The following C1QTNF3 variants were observed in gnomAD, a reference collection of about 807,000 sequenced individuals.
C1QTNF3 encodes complement C1q tumor necrosis factor-related protein 3.
In C1QTNF3, 26 loss-of-function variants were observed where a neutral mutation model predicts 32.6. The ratio of observed to expected loss-of-function variants is 0.80; its 90% CI spans 0.58 to 1.11. C1QTNF3 has a LOEUF of 1.11. Among genes scored for constraint, C1QTNF3 ranks in the 50% least tolerant of loss-of-function variants. The pLI is 0.00. For synonymous variants in C1QTNF3, 155 were observed against 146.0 expected (o/e 1.06, Z -0.44); for missense variants, 362 against 398.2 (o/e 0.91, Z 0.77).
At chr5:34,065,224 G>C in the C1QTNF3 span, among the ~76,000 whole-genome samples, 1 of 152,106 alleles carries the variant, frequency 6.6e-6, no homozygotes, top group South Asian at 2.1e-4. Flanking sequence ...ATTTAAAAAT[G>C]GACAAAGGAC....
At chr5:34,233,020 G>C in the C1QTNF3 span, among the ~76,000 whole-genome samples, 1 of 149,378 alleles carries the variant, frequency 6.7e-6, no homozygotes, top group African/African-American at 2.5e-5. Context: ...AGCCCAAATA[G>C]TATTCAGTAA....
chr5:34,076,702 C>G, the C1QTNF3 span, among the ~76,000 whole-genome samples: 1 of 151,668 alleles, frequency 6.6e-6, no homozygotes, highest in South Asian at 2.1e-4. Flanking sequence ...ATCAGCTACT[C>G]TGACATTTGT....
chr5:34,157,463 A>G, the C1QTNF3 span, among the ~76,000 whole-genome samples: 1 of 152,188 alleles, frequency 6.6e-6, no homozygotes, highest in Non-Finnish European at 1.5e-5. Flanking sequence ...AGATGTTTGC[A>G]TTGTTGTCCC....
At chr5:34,103,335 C>T in the C1QTNF3 span, among the ~76,000 whole-genome samples, 3 of 151,578 alleles carry the variant, frequency 2.0e-5, no homozygotes, top group Non-Finnish European at 2.9e-5. Flanking sequence ...CTTGCTCTGT[C>T]TCCCAGGCTG....
chr5:34,236,768 G>A, the C1QTNF3 span, among the ~76,000 whole-genome samples: 3 of 151,324 alleles, frequency 2.0e-5, no homozygotes, highest in Non-Finnish European at 4.4e-5. Context: ...TACACATGGG[G>A]TTTCACCGTG....
At chr5:34,073,283 C>T in the C1QTNF3 span, among the ~76,000 whole-genome samples, 2 of 150,668 alleles carry the variant, frequency 1.3e-5, no homozygotes, top group Non-Finnish European at 2.9e-5. Context: ...GCCGAGATCG[C>T]GCCACTGCAC....
chr5:34,040,665 T>A (rs1303518964), intron 1 of C1QTNF3, among the ~76,000 whole-genome samples: 1 of 152,026 alleles, frequency 6.6e-6, no homozygotes, highest in East Asian at 1.9e-4. Context: ...CAAAGCAAAA[T>A]CTAAGCTCCT....
the C1QTNF3 span, chr5:34,165,184 T>C: frequency 6.6e-6 from 1 of 152,128 alleles, no homozygotes; most frequent in Admixed American, 6.5e-5. Context: ...TTCTCAGGCC[T>C]TTGGCCTCTG....
Position 34,042,861 on chromosome 5 carries a change from C to T in C1QTNF3, c.265G>A (p.Val89Ile). 6.2e-7 allele frequency: 1 copy of T among 1,614,150 alleles called. No homozygotes were observed. The highest frequency in any genetic ancestry group is 8.5e-7 in the Non-Finnish European group (1 of 1,180,034). ...GTGGTGATCTGGGCTAGGTCATCTACCTCGGGGTGCGGTAGCTCATCTGGT... is the reference window on the plus strand; with the variant it reads ...GTGGTGATCTGGGCTAGGTCATCTATCTCGGGGTGCGGTAGCTCATCTGGT... Reference protein sequence around the residue: ...LRPDELPHPEVDDLAQITTFW... With the variant: ...LRPDELPHPEIDDLAQITTFW... The change falls in exon 1 of 6, where the codon GTA (valine) becomes ATA (isoleucine). Residue 89 changes from valine (V) to isoleucine (I), a missense_variant. Coordinates refer to ENST00000382065, the MANE Select transcript of C1QTNF3 (RefSeq NM_181435.6).
the C1QTNF3 span, chr5:34,158,583 T>C: frequency 1.3e-5 from 2 of 152,180 alleles, no homozygotes; most frequent in East Asian, 3.8e-4. Flanking sequence ...AATTTACATC[T>C]TTTCATATAA....
the C1QTNF3 span, among the ~76,000 whole-genome samples, chr5:34,241,376 T>G: frequency 6.6e-6 from 1 of 151,252 alleles, no homozygotes; most frequent in Middle Eastern, 3.4e-3. Flanking sequence ...AATATCATTC[T>G]ATACCTAAAA....
the C1QTNF3 span, among the ~76,000 whole-genome samples, chr5:34,081,696 T>A: frequency 6.6e-6 from 1 of 151,690 alleles, no homozygotes; most frequent in Non-Finnish European, 1.5e-5. Context: ...CTGCAAGATA[T>A]TTTATGAGCC....
Position 34,042,839 on chromosome 5 carries a change from G to A in C1QTNF3, c.287C>T (p.Thr96Ile). The A allele has an allele frequency of 6.2e-7, 1 of 1,612,866 alleles. No homozygotes were observed. Among genetic ancestry groups the A allele is most frequent in the South Asian group, 1.1e-5 (1 of 91,028 alleles). ...HPEVDDLAQI[T>I]TFWGQSPQTG... ...TCTGAGTACCTGGCCCCAGAATGTG[G>A]TGATCTGGGCTAGGTCATCTACCTC... The change falls in exon 1 of 6, where the codon ACC becomes ATC. Residue 96 changes from threonine (T) to isoleucine (I), a missense_variant. Coordinates refer to ENST00000382065, the MANE Select transcript of C1QTNF3 (RefSeq NM_181435.6).
At chr5:34,023,790 T>C (rs1419175763) in intron 5 of C1QTNF3, 119 bp downstream of exon 5, 1 of 648,844 alleles carries the variant, frequency 1.5e-6, no homozygotes, top group African/African-American at 1.8e-5. Flanking sequence ...TGAGGGCTCT[T>C]ATTAAGGATA....
chr5:34,218,389 A>T, the C1QTNF3 span: 1 of 151,354 alleles, frequency 6.6e-6, no homozygotes, highest in Non-Finnish European at 1.5e-5. Flanking sequence ...TACACCAAAG[A>T]AGCAGAACCT....
chr5:34,229,003 G>T, the C1QTNF3 span, among the ~76,000 whole-genome samples: 5 of 151,744 alleles, frequency 3.3e-5, no homozygotes, highest in African/African-American at 1.2e-4. Flanking sequence ...AAACTTCTGG[G>T]TTTATCAATA....
chr5:34,083,332 T>C, the C1QTNF3 span, among the ~76,000 whole-genome samples: 1 of 151,672 alleles, frequency 6.6e-6, no homozygotes, highest in Non-Finnish European at 1.5e-5. Context: ...GAAGACTAAA[T>C]TAAAAACTAC....
At chr5:34,088,343 GTGTTAA>G in the C1QTNF3 span, among the ~76,000 whole-genome samples, 1 of 152,120 alleles carries the variant, frequency 6.6e-6, no homozygotes, top group Non-Finnish European at 1.5e-5. Context: ...TAATGTAGTT[GTGTTAA>G]TGTAGCCACA....
chr5:34,071,609 A>G, the C1QTNF3 span, among the ~76,000 whole-genome samples: 1 of 152,184 alleles, frequency 6.6e-6, no homozygotes, highest in Non-Finnish European at 1.5e-5. Context: ...CGTTTTTAAA[A>G]TAAACTTTAA....
Sources: allele counts gnomAD v4.1 joint callset (sites outside exome capture counted in the v4.1 genomes callset), GRCh38; gene constraint gnomAD v4.1.1; transcripts MANE v1.5; gene names NCBI Gene and HGNC (gene_info 2026-07-23, HGNC 2026-07-21).